USP34: variants seen among roughly 807,000 people sequenced by gnomAD.
USP34 encodes ubiquitin specific peptidase 34.
USP34 carries 70 observed loss-of-function variants against 460.3 expected under a neutral mutation model. The ratio of observed to expected loss-of-function variants is 0.15; its 90% CI spans 0.13 to 0.19. USP34 has a LOEUF of 0.19. Among genes scored for constraint, USP34 ranks in the 10% least tolerant of loss-of-function variants. The probability of loss-of-function intolerance (pLI) is 1.00; values close to 1 mark genes in which losing one functional copy is unlikely to be tolerated. For synonymous variants in USP34, 1,647 were observed against 1,405.3 expected (o/e 1.17, Z -3.85); for missense variants, 3,985 against 4,236.2 (o/e 0.94, Z 1.65).
intron 57 of USP34, among the ~76,000 whole-genome samples, chr2:61,233,289 C>T (rs887677350): frequency 1.3e-5 from 2 of 151,942 alleles, no homozygotes; most frequent in African/African-American, 2.4e-5. Context: ...AACAGAGGAA[C>T]ATGTTAAACA....
At chr2:61,280,989 G>C in intron 38 of USP34, 101 bp downstream of exon 38, 2 of 1,262,152 alleles carry the variant, frequency 1.6e-6, no homozygotes, top group Non-Finnish European at 2.2e-6. Context: ...ATCACATACA[G>C]TAGTCAAATG....
chr2:61,390,674 C>T (rs1224219136), intron 5 of USP34, among the ~76,000 whole-genome samples: 5 of 152,076 alleles, frequency 3.3e-5, no homozygotes, highest in African/African-American at 1.2e-4. Context: ...ATGGGCTTGA[C>T]GTTATTATCA....
chr2:61,215,763 T>G (rs111804494), intron 67 of USP34, among the ~76,000 whole-genome samples: 1,806 of 152,326 alleles, frequency 0.012, 35 homozygotes, highest in African/African-American at 0.042. Context: ...ATAAGAATTG[T>G]GAGCCTTTAC....
intron 1 of USP34, among the ~76,000 whole-genome samples, chr2:61,455,411 C>T (rs896272673): frequency 3.9e-5 from 6 of 151,988 alleles, no homozygotes; most frequent in Admixed American, 3.3e-4. Flanking sequence ...CTCCTGAGCT[C>T]AGGCAATCCA....
chr2:61,211,626 AAAG>A, intron 69 of USP34, 143 bp downstream of exon 69: 1 of 885,646 alleles, frequency 1.1e-6, no homozygotes, highest in Non-Finnish European at 1.6e-6. Flanking sequence ...AAACTGTTTA[AAAG>A]TAGTTCATGA....
chr2:61,413,120 G>C (rs1168154831), intron 2 of USP34, among the ~76,000 whole-genome samples: 2 of 152,156 alleles, frequency 1.3e-5, no homozygotes, highest in Non-Finnish European at 2.9e-5. Flanking sequence ...AGGAGGCCGG[G>C]CGCGGTGGCT....
chr2:61,237,973 G>A (rs1260989686), intron 53 of USP34, among the ~76,000 whole-genome samples: 3 of 151,124 alleles, frequency 2.0e-5, no homozygotes, highest in Non-Finnish European at 3.0e-5. Context: ...CTCGGCTCAC[G>A]GCAATCTCCA....
At chr2:61,388,195 A>T (rs1437595386) in intron 5 of USP34, among the ~76,000 whole-genome samples, 1 of 151,994 alleles carries the variant, frequency 6.6e-6, no homozygotes, top group Non-Finnish European at 1.5e-5. Flanking sequence ...ACGAATTGAG[A>T]TCACCCCAAT....
At chr2:61,189,132 C>T (rs1686541734) in intron 78 of USP34, 63 bp from the exon 79 acceptor site, 1 of 1,492,546 alleles carries the variant, frequency 6.7e-7, no homozygotes, top group Non-Finnish European at 9.1e-7. Flanking sequence ...CAGTTGTTTA[C>T]AGTTAATTGC....
At chr2:61,407,791 C>T (rs545253774) in intron 2 of USP34, among the ~76,000 whole-genome samples, 1 of 152,160 alleles carries the variant, frequency 6.6e-6, no homozygotes, top group Non-Finnish European at 1.5e-5. Context: ...GAGGAGACCA[C>T]ATGAGAAAGT....
In USP34 at chr2:61,248,527, C is replaced by G; in HGVS notation, c.6378G>C (p.Lys2126Asn). 1 of 1,564,960 alleles carries G rather than the reference C, an allele frequency of 6.4e-7. No homozygotes were observed. The highest frequency in any genetic ancestry group is 8.7e-7 in the Non-Finnish European group (1 of 1,151,320). Reference sequence around the variant, plus strand: ...AAAAATCACCTTCTTTCCTCTCACTCTTTCCCATAAGAAAATCTTCTGTAT... The same window carrying G: ...AAAAATCACCTTCTTTCCTCTCACTGTTTCCCATAAGAAAATCTTCTGTAT... ...TPYTEDFLMG[K>N]SERKEGFKEV... The change falls in exon 49 of 80, where the codon AAG becomes AAC. Residue 2126 changes from lysine to asparagine, a missense_variant. Coordinates refer to ENST00000398571, the MANE Select transcript of USP34 (RefSeq NM_014709.4).
chr2:61,212,868 T>A (rs957300271), intron 68 of USP34, among the ~76,000 whole-genome samples: 10 of 152,176 alleles, frequency 6.6e-5, no homozygotes, highest in African/African-American at 2.4e-4. Flanking sequence ...CTAGATCAAA[T>A]ATTATTTATG....
At chr2:61,338,060 G>T (rs1691480269) in intron 18 of USP34, among the ~76,000 whole-genome samples, 1 of 152,126 alleles carries the variant, frequency 6.6e-6, no homozygotes, top group African/African-American at 2.4e-5. Flanking sequence ...AGTGACTCAC[G>T]CCTGTAATCC....
chr2:61,437,696 A>C (rs1694850954), intron 1 of USP34, among the ~76,000 whole-genome samples: 1 of 151,828 alleles, frequency 6.6e-6, no homozygotes. Flanking sequence ...TGGCTTGAAC[A>C]CGGGAGGCGG....
intron 75 of USP34, among the ~76,000 whole-genome samples, chr2:61,196,372 G>A (rs555732833): frequency 6.6e-6 from 1 of 151,476 alleles, no homozygotes; most frequent in Non-Finnish European, 1.5e-5. Context: ...TTACAGGCGT[G>A]AGCCACCGCG....
At chr2:61,459,370 G>A (rs950548365) in intron 1 of USP34, among the ~76,000 whole-genome samples, 13 of 152,140 alleles carry the variant, frequency 8.5e-5, no homozygotes, top group African/African-American at 2.9e-4. Flanking sequence ...AAATTTCAGT[G>A]TTCAAATAGC....
intron 27 of USP34, 32 bp from the exon 28 acceptor site, chr2:61,301,486 G>GC: frequency 6.3e-7 from 1 of 1,582,276 alleles, no homozygotes; most frequent in Non-Finnish European, 8.6e-7. Context: ...AAATGAATTT[G>GC]TTTTTAAGAA....
chr2:61,406,641 ACTCT>A (rs959412420), intron 2 of USP34, among the ~76,000 whole-genome samples: 2 of 149,530 alleles, frequency 1.3e-5, no homozygotes, highest in African/African-American at 4.9e-5. Flanking sequence ...ACACACACAC[ACTCT>A]CTCTTTCTCT....
rs113297639 is a variant in USP34 at position 61,270,498 on chromosome 2, C to T, written c.5434-4331G>A. On this transcript the variant is annotated intron_variant, in intron 41 of 79. Transcript: ENST00000398571. ...GTTGCCAGGCTGGAGTGTAGTGGCA[C>T]GATCTCGGCTCACTGCAGCCTCCAC... is the stretch of plus-strand genomic sequence containing the variant. 7.7e-3 allele frequency among the ~76,000 whole-genome samples: 1,178 copies of T among 152,256 alleles called. 15 individuals are homozygous for T. The highest frequency in any genetic ancestry group is 0.027 in the African/African-American group (1,115 of 41,528).
Sources: gnomAD v4.1 joint callset for allele counts (sites outside exome capture counted in the v4.1 genomes callset) on GRCh38, gnomAD v4.1.1 for gene constraint, MANE v1.5 for transcripts, NCBI Gene and HGNC (gene_info 2026-07-23, HGNC 2026-07-21) for gene names.